Variants in PSMD11 observed in about 807,000 individuals in gnomAD.
PSMD11 encodes the protein proteasome 26S subunit, non-ATPase 11, also known as 26S proteasome non-ATPase regulatory subunit 11.
A neutral mutation model predicts 62.3 loss-of-function variants in PSMD11; 5 were observed. That is an observed-to-expected ratio of 0.08 (90% confidence interval 0.04 to 0.17). PSMD11 has a LOEUF of 0.17. Among genes scored for constraint, PSMD11 ranks in the 10% least tolerant of loss-of-function variants. PSMD11 has a pLI of 1.00. For synonymous variants in PSMD11, 191 were observed against 191.8 expected, an observed-to-expected ratio of 1.00 and a Z score of 0.03; for missense variants, 310 against 512.9, an observed-to-expected ratio of 0.60 and a Z score of 3.82.
chr17:32,474,882 C>A, intron 8 of PSMD11, 58 bp downstream of exon 8: 1 of 1,487,150 alleles, frequency 6.7e-7, no homozygotes, highest in Non-Finnish European at 9.4e-7. Flanking sequence ...TTTTCAGAGT[C>A]ACAACGTTTG....
chr17:32,462,090 A>G (rs1338756987), intron 3 of PSMD11, among the ~76,000 whole-genome samples: 1 of 152,214 alleles, frequency 6.6e-6, no homozygotes, highest in Non-Finnish European at 1.5e-5. Flanking sequence ...TATACTTTCA[A>G]TGACCAAGCT....
intron 4 of PSMD11, among the ~76,000 whole-genome samples, 179 bp from the exon 5 acceptor site, chr17:32,464,342 A>G (rs1029149270): frequency 6.6e-6 from 1 of 152,234 alleles, no homozygotes; most frequent in African/African-American, 2.4e-5. Flanking sequence ...GGTAAAGTTA[A>G]CAGTCATTTG....
chr17:32,453,829 G>A (rs2150830199), intron 2 of PSMD11, among the ~76,000 whole-genome samples: 1 of 152,310 alleles, frequency 6.6e-6, no homozygotes, highest in East Asian at 1.9e-4. Context: ...GAAAAGCTCT[G>A]TGATGGATCC....
intron 3 of PSMD11, among the ~76,000 whole-genome samples, chr17:32,456,911 C>A (rs1304689618): frequency 1.3e-5 from 2 of 152,204 alleles, no homozygotes; most frequent in African/African-American, 4.8e-5. Flanking sequence ...AGATGATCCA[C>A]CCGCCTTGGC....
chr17:32,475,366 G>A (rs1283716497), intron 8 of PSMD11, among the ~76,000 whole-genome samples: 1 of 151,788 alleles, frequency 6.6e-6, no homozygotes, highest in East Asian at 1.9e-4. Flanking sequence ...GCCCAAGTAG[G>A]TATGAGTGTG....
At chr17:32,466,474 T>A (rs931333325) in intron 5 of PSMD11, among the ~76,000 whole-genome samples, 2 of 152,228 alleles carry the variant, frequency 1.3e-5, no homozygotes, top group East Asian at 3.8e-4. Context: ...GTTTTCAGGG[T>A]TTATGTTGTA....
At chr17:32,468,831 A>T (rs1293018611) in intron 5 of PSMD11, among the ~76,000 whole-genome samples, 168 bp from the exon 6 acceptor site, 1 of 151,996 alleles carries the variant, frequency 6.6e-6, no homozygotes, top group Non-Finnish European at 1.5e-5. Flanking sequence ...CTTGGAAGAT[A>T]GCACATTAGT....
At chr17:32,469,997 AG>A (rs1358104599) in intron 6 of PSMD11, among the ~76,000 whole-genome samples, 1 of 151,164 alleles carries the variant, frequency 6.6e-6, no homozygotes, top group Non-Finnish European at 1.5e-5. Context: ...GTGACAGTCT[AG>A]TTTTTTGTTT....
intron 3 of PSMD11, among the ~76,000 whole-genome samples, chr17:32,456,466 G>A (rs1484906932): frequency 3.9e-5 from 6 of 152,178 alleles, no homozygotes; most frequent in Admixed American, 6.5e-5. Context: ...CCCGCCTCCC[G>A]GGTTCAAGGG....
rs1908505463 is a variant in PSMD11, at chr17:32,481,909, G to A, written c.*1157G>A. ...CTCTTAGAACTCAAGTGGATGGGAA[G>A]TAGAGCACTATGTGTCAGTATGCTT... On this transcript the variant is annotated 3_prime_UTR_variant, in exon 14 of 14. Transcript: ENST00000261712. 1 of 152,128 alleles carries A rather than the reference G, an allele frequency of 6.6e-6. No individual in the cohort carries two copies. Among genetic ancestry groups the A allele is most frequent in the African/African-American group, 2.4e-5 (1 of 41,414 alleles). 9.4% of individuals were successfully genotyped at this position (152,128 alleles called of 1,614,324 possible). A position where few individuals can be genotyped will look rare whatever the true frequency, so the allele number is the denominator to read the frequency against.
At chr17:32,446,804 GTTT>G (rs376587076) in intron 1 of PSMD11, 138 bp from the exon 2 acceptor site, 342 of 343,206 alleles carry the variant, frequency 1.0e-3, no homozygotes, top group East Asian at 1.1e-3. Flanking sequence ...CTGGCTTAGA[GTTT>G]TTTTTTTTTT....
chr17:32,463,719 A>G (rs1907911209), intron 3 of PSMD11, among the ~76,000 whole-genome samples: 1 of 152,244 alleles, frequency 6.6e-6, no homozygotes, highest in Non-Finnish European at 1.5e-5. Flanking sequence ...TCTGTGCTTT[A>G]AAAATTCCTA....
intron 1 of PSMD11, among the ~76,000 whole-genome samples, chr17:32,446,622 G>A (rs1051665202): frequency 1.3e-5 from 2 of 152,182 alleles, no homozygotes; most frequent in African/African-American, 4.8e-5. Flanking sequence ...TGAAGGATTT[G>A]TTTTGTTTTA....
chr17:32,481,705 C>G lies in PSMD11; in HGVS notation c.*953C>G, dbSNP rs1908499536. 6.6e-6 allele frequency: 1 copy of G among 152,190 alleles called. No homozygotes were observed. Among genetic ancestry groups the G allele is most frequent in the African/African-American group, 2.4e-5 (1 of 41,418 alleles). 9.4% of individuals were successfully genotyped at this position (152,190 alleles called of 1,614,324 possible). The stretch of plus-strand genomic sequence containing the variant: ...TCAGGCTGTCTGTGAAAGCCATGAG[C>G]TTCTCTCCCTCTCCCACTCCTCCTC... On this transcript the variant is annotated 3_prime_UTR_variant, in exon 14 of 14. Transcript: ENST00000261712.
intron 2 of PSMD11, among the ~76,000 whole-genome samples, chr17:32,448,138 G>A (rs556649628): frequency 1.1e-4 from 17 of 151,916 alleles, no homozygotes; most frequent in African/African-American, 4.1e-4. Flanking sequence ...CTCGGCCTCC[G>A]AAAGTGCTGG....
At chr17:32,453,235 C>T (rs1489440068) in intron 2 of PSMD11, among the ~76,000 whole-genome samples, 1 of 152,076 alleles carries the variant, frequency 6.6e-6, no homozygotes, top group Non-Finnish European at 1.5e-5. Flanking sequence ...GGGGGAGAAT[C>T]ACTGTAGACT....
chr17:32,479,477 C>T lies in PSMD11; in HGVS notation c.1038+101C>T, dbSNP rs932580522. Reference sequence around the variant, plus strand: ...ATGGGAACTCACTTCTAGGGGTGTGCCTGGTGGGCAAGAGGCCACCAAGAG... The same window carrying T: ...ATGGGAACTCACTTCTAGGGGTGTGTCTGGTGGGCAAGAGGCCACCAAGAG... On this transcript the variant is annotated intron_variant, in intron 10 of 13. Coordinates refer to ENST00000261712, the MANE Select transcript of PSMD11 (RefSeq NM_002815.4). 4 of 1,476,936 alleles carry T rather than the reference C, an allele frequency of 2.7e-6. No individual in the cohort carries two copies. In the Admixed American group the frequency reaches 8.7e-5, roughly 32 times the overall value. 91.5% of individuals were successfully genotyped at this position (1,476,936 alleles called of 1,614,324 possible).
In PSMD11 at chr17:32,480,847, A is replaced by G. The variant is rs2150841536; in HGVS notation, c.*95A>G. 4.0e-6 allele frequency: 2 copies of G among 500,112 alleles called. No individual in the cohort carries two copies. Among genetic ancestry groups the G allele is most frequent in the East Asian group, 3.2e-5 (1 of 30,848 alleles). The allele number at this position is 500,112 out of a possible 1,614,324, so 31.0% of individuals were successfully genotyped here. ...GGAGATTCTTTTTTCTTTTTGTTCT[A>G]CTTTTCGCTCGGAAAGTTTTTAAAT... On this transcript the variant is annotated 3_prime_UTR_variant, in exon 14 of 14. Transcript: ENST00000261712.
chr17:32,473,609 CTTACTATG>C (rs1162296229), intron 6 of PSMD11, among the ~76,000 whole-genome samples, 184 bp from the exon 7 acceptor site: 6 of 150,000 alleles, frequency 4.0e-5, no homozygotes, highest in African/African-American at 1.5e-4. Context: ...GAGATGGGGT[CTTACTATG>C]TTACTCAGGC....
Sources: gnomAD v4.1 joint callset for allele counts (sites outside exome capture counted in the v4.1 genomes callset) on GRCh38, gnomAD v4.1.1 for gene constraint, MANE v1.5 for transcripts, NCBI Gene and HGNC (gene_info 2026-07-23, HGNC 2026-07-21) for gene names.